WASHC2C: variants seen among roughly 807,000 people sequenced by gnomAD.
WASHC2C encodes Vaccinia Penetration Factor.
WASHC2C carries 73 observed loss-of-function variants against 142.2 expected under a neutral mutation model. That is an observed-to-expected ratio of 0.51 (90% confidence interval 0.43 to 0.62). The LOEUF is 0.62. Among genes scored for constraint, WASHC2C ranks in the 20% least tolerant of loss-of-function variants. The probability of loss-of-function intolerance (pLI) is 0.00; values close to 1 mark genes in which losing one functional copy is unlikely to be tolerated. For missense variants in WASHC2C, 969 were observed against 1,531.7 expected (o/e 0.63, Z 6.13); for synonymous variants, 337 against 565.5 (o/e 0.60, Z 5.73).
chr10:45,783,611 C>T (rs1161434943), intron 23 of WASHC2C, among the ~76,000 whole-genome samples: 1 of 152,128 alleles, frequency 6.6e-6, no homozygotes, highest in African/African-American at 2.4e-5. Context: ...CAGGCACACG[C>T]CACCACACCC....
intron 16 of WASHC2C, among the ~76,000 whole-genome samples, chr10:45,758,427 C>G (rs2054599720): frequency 6.6e-6 from 1 of 152,104 alleles, no homozygotes; most frequent in Non-Finnish European, 1.5e-5. Context: ...CTTTTCTTGA[C>G]TCAGTTAATC....
At chr10:45,779,604 A>T (rs1360723333) in intron 23 of WASHC2C, among the ~76,000 whole-genome samples, 11 of 152,202 alleles carry the variant, frequency 7.2e-5, no homozygotes, top group African/African-American at 2.7e-4. Context: ...ATAACTGCCT[A>T]GCTCTGCCAT....
chr10:45,727,755 C>T (rs61855809), intron 2 of WASHC2C, among the ~76,000 whole-genome samples: 33,820 of 151,564 alleles, frequency 0.22, 3,570 homozygotes, highest in Admixed American at 0.28. Flanking sequence ...GCGACGTTCC[C>T]TTCATGGGGT....
chr10:45,739,292 T>G (rs1413255301), intron 4 of WASHC2C, among the ~76,000 whole-genome samples: 7 of 151,986 alleles, frequency 4.6e-5, no homozygotes, highest in Middle Eastern at 3.4e-3. Context: ...GTAGGGTTTT[T>G]TTTTTTTTTT....
intron 20 of WASHC2C, among the ~76,000 whole-genome samples, chr10:45,772,983 G>A (rs1373499793): frequency 6.6e-6 from 1 of 150,468 alleles, no homozygotes; most frequent in Non-Finnish European, 1.5e-5. Flanking sequence ...GTGCCTTGCA[G>A]CGGTAACAGC....
At chr10:45,769,170 T>G (rs1554883583) in intron 19 of WASHC2C, among the ~76,000 whole-genome samples, 4 of 152,062 alleles carry the variant, frequency 2.6e-5, no homozygotes. Flanking sequence ...CAGGCTGGAG[T>G]GCAGTGGCAC....
chr10:45,731,482 C>T (rs1381301994), intron 3 of WASHC2C, among the ~76,000 whole-genome samples: 4 of 145,238 alleles, frequency 2.8e-5, no homozygotes, highest in African/African-American at 1.0e-4. Context: ...TTGCAACCTC[C>T]GCCTCCCGGG....
Position 45,750,212 on chromosome 10 carries a change from G to A in WASHC2C, c.843+6G>A, listed in dbSNP as rs1554873683. 1.9e-6 allele frequency: 3 copies of A among 1,609,952 alleles called. No homozygotes were observed. The highest frequency in any genetic ancestry group is 2.5e-6 in the Non-Finnish European group (3 of 1,179,106). ...TTGAAGAAAATACTAGACCTGTAAG[G>A]AAGGCTGTAGTTGCTATCACTTGGC... is the stretch of plus-strand genomic sequence containing the variant. On this transcript the variant is annotated splice_donor_region_variant and intron_variant, in intron 9 of 30. Transcript: ENST00000623400.
intron 3 of WASHC2C, among the ~76,000 whole-genome samples, chr10:45,734,310 G>C (rs1248649907): frequency 6.6e-6 from 1 of 151,882 alleles, no homozygotes; most frequent in East Asian, 1.9e-4. Context: ...GAACTTTTCA[G>C]TGTATTTTTT....
intron 8 of WASHC2C, among the ~76,000 whole-genome samples, chr10:45,748,553 G>A (rs2053143868): frequency 6.6e-6 from 1 of 152,218 alleles, no homozygotes; most frequent in Admixed American, 6.5e-5. Context: ...GCTTCCCAAA[G>A]TGTTGGGATT....
chr10:45,779,904 G>C (rs2057364228), intron 23 of WASHC2C, among the ~76,000 whole-genome samples: 1 of 151,610 alleles, frequency 6.6e-6, no homozygotes. Context: ...AGAATTGCTT[G>C]AACCAGGAAG....
At chr10:45,750,884 G>C (rs1384798431) in intron 10 of WASHC2C, 46 bp downstream of exon 10, 2 of 1,512,358 alleles carry the variant, frequency 1.3e-6, no homozygotes, top group Non-Finnish European at 1.8e-6. Context: ...GAGTAGTGCA[G>C]GGCCCTCTGC....
intron 23 of WASHC2C, among the ~76,000 whole-genome samples, chr10:45,784,250 G>GTATATATA (rs2057754333): frequency 4.4e-5 from 1 of 22,554 alleles, no homozygotes; most frequent in African/African-American, 1.2e-4. Flanking sequence ...ATGTGTGTGT[G>GTATATATA]TGTATATATA....
intron 17 of WASHC2C, among the ~76,000 whole-genome samples, chr10:45,760,866 T>C (rs185240661): frequency 4.0e-5 from 6 of 150,532 alleles, no homozygotes; most frequent in African/African-American, 1.2e-4. Flanking sequence ...GTACGTGCCA[T>C]GAGGGCAGGA....
At chr10:45,750,868 G>A in intron 10 of WASHC2C, 30 bp downstream of exon 10, 1 of 1,546,096 alleles carries the variant, frequency 6.5e-7, no homozygotes, top group South Asian at 1.2e-5. Flanking sequence ...ATGGGGAGTA[G>A]GGGAGGAGTA....
chr10:45,790,620 T>C, intron 30 of WASHC2C, 87 bp downstream of exon 30: 2 of 1,604,684 alleles, frequency 1.2e-6, no homozygotes, highest in East Asian at 2.2e-5. Flanking sequence ...TTGGCCCTTT[T>C]CTGGAAAATG....
At chr10:45,738,921 G>A (rs2051627385) in intron 4 of WASHC2C, among the ~76,000 whole-genome samples, 1 of 152,140 alleles carries the variant, frequency 6.6e-6, no homozygotes, top group Non-Finnish European at 1.5e-5. Flanking sequence ...TGGCCAGGCT[G>A]GTCTCAAACT....
At chr10:45,765,834 A>G (rs1487625861) in intron 19 of WASHC2C, 24 bp downstream of exon 19, 2 of 1,611,788 alleles carry the variant, frequency 1.2e-6, no homozygotes, top group African/African-American at 2.7e-5. Flanking sequence ...TCTGCTAAAA[A>G]AGAGGGGATT....
intron 7 of WASHC2C, among the ~76,000 whole-genome samples, chr10:45,745,355 G>A (rs1283439851): frequency 1.3e-5 from 2 of 152,206 alleles, no homozygotes; most frequent in South Asian, 2.1e-4. Flanking sequence ...TATCCACAGA[G>A]CATAATTTCA....
Sources: gnomAD v4.1 joint callset for allele counts (sites outside exome capture counted in the v4.1 genomes callset) on GRCh38, gnomAD v4.1.1 for gene constraint, MANE v1.5 for transcripts, NCBI Gene and HGNC (gene_info 2026-07-23, HGNC 2026-07-21) for gene names.